Variants in ORC3 observed in about 807,000 individuals in gnomAD.
ORC3 encodes the protein homolog of latheo, Drosophila.
A neutral mutation model predicts 100.7 loss-of-function variants in ORC3; 78 were observed. That is an observed-to-expected ratio of 0.77 (90% CI 0.65 to 0.94). The LOEUF is 0.94. ORC3 is among the 40% of genes least tolerant of loss of function. The pLI, the probability that ORC3 is intolerant of heterozygous loss-of-function variation, is 0.00. For missense variants in ORC3, 789 were observed against 823.9 expected (o/e 0.96, Z 0.52); for synonymous variants, 295 against 289.3 (o/e 1.02, Z -0.20).
At chr6:87,599,568 A>T (rs1777734036) in intron 2 of ORC3, among the ~76,000 whole-genome samples, 1 of 151,730 alleles carries the variant, frequency 6.6e-6, no homozygotes, top group Non-Finnish European at 1.5e-5. Flanking sequence ...GGGTTTCACC[A>T]TGTTGGCCAG....
chr6:87,647,850 A>G (rs1768921436), intron 13 of ORC3, among the ~76,000 whole-genome samples: 2 of 152,180 alleles, frequency 1.3e-5, no homozygotes, highest in African/African-American at 4.8e-5. Context: ...TTTTTGGAAT[A>G]AGCTAAATAT....
intron 4 of ORC3, among the ~76,000 whole-genome samples, chr6:87,604,126 A>G (rs1306872843): frequency 1.3e-5 from 2 of 152,264 alleles, no homozygotes; most frequent in African/African-American, 4.8e-5. Flanking sequence ...CACAATGGAA[A>G]AAATTTCTTT....
chr6:87,653,750 C>T (rs557292971), intron 14 of ORC3, among the ~76,000 whole-genome samples: 44 of 152,298 alleles, frequency 2.9e-4, no homozygotes, highest in East Asian at 1.9e-4. Context: ...TTACTTTAAT[C>T]GGATTTACAA....
Position 87,644,079 on chromosome 6 carries a change from CTTTTTTTTTTTTTTT to C in ORC3, c.1382+7610_1382+7624del, listed in dbSNP as rs1156943778. 3.8e-3 allele frequency among the ~76,000 whole-genome samples: 195 copies of C among 51,438 alleles called. 3 individuals are homozygous for C. The highest frequency in any genetic ancestry group is 8.3e-3 in the East Asian group (11 of 1,330). 33.7% of individuals were successfully genotyped at this position (51,438 alleles called of 152,430 possible). ...CCACAGATACAGATGGCTGACTGTC[CTTTTTTTTTTTTTTT>C]TTTTTTTTTTTTTTTTGAGACGGAG... is the stretch of plus-strand genomic sequence containing the variant. On this transcript the variant is annotated intron_variant, in intron 13 of 19. Coordinates refer to ENST00000392844, the MANE Select transcript of ORC3 (RefSeq NM_012381.4).
At chr6:87,617,635 G>A (rs2128260789) in intron 9 of ORC3, among the ~76,000 whole-genome samples, 1 of 152,264 alleles carries the variant, frequency 6.6e-6, no homozygotes, top group South Asian at 2.1e-4. Flanking sequence ...TCGGGAGGGT[G>A]AGGTGGGAGA....
intron 12 of ORC3, among the ~76,000 whole-genome samples, chr6:87,635,311 A>G (rs1007690907): frequency 4.6e-5 from 7 of 152,180 alleles, no homozygotes; most frequent in Admixed American, 2.0e-4. Context: ...AGAATGCTTG[A>G]TGGTTAACCT....
intron 13 of ORC3, among the ~76,000 whole-genome samples, chr6:87,650,258 G>A (rs114896911): frequency 3.1e-3 from 465 of 152,000 alleles, no homozygotes; most frequent in African/African-American, 0.011. Flanking sequence ...GTCTCACTTT[G>A]TTGGCCAGGC....
At chr6:87,592,268 A>G (rs1382811233) in intron 1 of ORC3, among the ~76,000 whole-genome samples, 2 of 152,204 alleles carry the variant, frequency 1.3e-5, no homozygotes, top group Non-Finnish European at 2.9e-5. Flanking sequence ...CAGGTTTGTC[A>G]TGGTATCACA....
intron 12 of ORC3, among the ~76,000 whole-genome samples, chr6:87,635,418 T>G (rs1767738512): frequency 1.3e-5 from 2 of 152,198 alleles, no homozygotes; most frequent in Admixed American, 1.3e-4. Flanking sequence ...CTATCAACCA[T>G]CTGTAGAGTA....
intron 18 of ORC3, 32 bp downstream of exon 18, chr6:87,664,891 T>C (rs746943231): frequency 1.5e-6 from 2 of 1,315,744 alleles, no homozygotes; most frequent in African/African-American, 1.5e-5. Context: ...AAGCTAGATA[T>C]TTTTCTAACC....
chr6:87,649,344 T>C (rs1769058016), intron 13 of ORC3, among the ~76,000 whole-genome samples: 1 of 152,222 alleles, frequency 6.6e-6, no homozygotes, highest in Non-Finnish European at 1.5e-5. Flanking sequence ...CATCATAGCT[T>C]AACACTGTTT....
At chr6:87,618,315 C>T (rs952237119) in intron 9 of ORC3, among the ~76,000 whole-genome samples, 1 of 151,680 alleles carries the variant, frequency 6.6e-6, no homozygotes, top group Non-Finnish European at 1.5e-5. Flanking sequence ...GGGGCTGAGG[C>T]AGGAGATCAC....
chr6:87,592,056 G>A (rs1425714779), intron 1 of ORC3, among the ~76,000 whole-genome samples: 2 of 152,088 alleles, frequency 1.3e-5, no homozygotes, highest in Non-Finnish European at 2.9e-5. Flanking sequence ...ACATTTTAGT[G>A]TCTCTTTCAT....
chr6:87,651,196 T>G (rs1020325487), intron 13 of ORC3: 22 of 456,146 alleles, frequency 4.8e-5, no homozygotes, highest in African/African-American at 3.8e-4. Context: ...TTCCTTGATA[T>G]TCAGTTATTT....
chr6:87,618,392 G>A lies in ORC3; in HGVS notation c.987+1965G>A, dbSNP rs572438235. ...AGATCATGCCACTGCACTCCAGCCT[G>A]GGCAACAGTGTGAGGCTCCATCTCA... On this transcript the variant is annotated intron_variant, in intron 9 of 19. Coordinates refer to ENST00000392844, the MANE Select transcript of ORC3 (RefSeq NM_012381.4). 1.3e-4 allele frequency among the ~76,000 whole-genome samples: 19 copies of A among 149,994 alleles called. No individual in the cohort carries two copies. The South Asian group carries it at 3.8e-3, about 30-fold the overall frequency.
chr6:87,660,637 A>C (rs1438309001), intron 16 of ORC3, among the ~76,000 whole-genome samples: 1 of 152,228 alleles, frequency 6.6e-6, no homozygotes, highest in Non-Finnish European at 1.5e-5. Flanking sequence ...TTGAGAGATG[A>C]GAATAAATTG....
chr6:87,645,268 C>A (rs12213648), intron 13 of ORC3, among the ~76,000 whole-genome samples: 1 of 152,108 alleles, frequency 6.6e-6, no homozygotes. Context: ...TGGGTCAGGG[C>A]TAGGGTGCTG....
intron 2 of ORC3, among the ~76,000 whole-genome samples, chr6:87,594,941 A>G (rs574264792): frequency 2.2e-4 from 33 of 152,352 alleles, no homozygotes; most frequent in African/African-American, 7.7e-4. Flanking sequence ...TTAAAATACA[A>G]TATTCATGGG....
downstream of ORC3, among the ~76,000 whole-genome samples, chr6:87,670,590 TTC>T (rs1770812599): frequency 6.6e-6 from 1 of 152,238 alleles, no homozygotes; most frequent in Non-Finnish European, 1.5e-5. Context: ...GCCAGTTCAA[TTC>T]TGTGTCCATT....
Sources: allele counts gnomAD v4.1 joint callset (sites outside exome capture counted in the v4.1 genomes callset), GRCh38; gene constraint gnomAD v4.1.1; transcripts MANE v1.5; gene names NCBI Gene and HGNC (gene_info 2026-07-23, HGNC 2026-07-21).